The following LSP1 variants were observed in gnomAD, a reference collection of about 807,000 sequenced individuals.
LSP1 encodes lymphocyte specific protein 1.
Under a neutral mutation model 49.3 loss-of-function variants are expected in LSP1, and 32 were observed. That is an observed-to-expected ratio of 0.65 (90% CI 0.49 to 0.87). LSP1 has a LOEUF of 0.87. Ranked by LOEUF, LSP1 falls within the 40% of genes least tolerant of loss-of-function variation. The probability of loss-of-function intolerance (pLI) is 0.00; values close to 1 mark genes in which losing one functional copy is unlikely to be tolerated. For missense variants in LSP1, 428 were observed against 442.6 expected (o/e 0.97, Z 0.30); for synonymous variants, 179 against 178.8 (o/e 1.00, Z -0.01).
At chr11:1,889,272 C>A (rs972647187) in intron 10 of LSP1, 1 of 684,436 alleles carries the variant, frequency 1.5e-6, no homozygotes, top group South Asian at 1.5e-5. Context: ...GAAGCGAGGC[C>A]GGTACAGGAA....
chr11:1,865,117 G>A, intron 1 of LSP1: 3 of 820,728 alleles, frequency 3.7e-6, no homozygotes, highest in Non-Finnish European at 4.4e-6. Context: ...AGAGAGGAGG[G>A]CCAGCAGGAC....
At chr11:1,860,309 G>GGATGGATGGC (rs1424852616) in intron 1 of LSP1, among the ~76,000 whole-genome samples, 2 of 36,730 alleles carry the variant, frequency 5.4e-5, no homozygotes, top group Non-Finnish European at 1.1e-4. Context: ...GGATGGATGG[G>GGATGGATGGC]TGGATGGATG....
chr11:1,871,140 G>A (rs574499438), intron 1 of LSP1: 4 of 985,540 alleles, frequency 4.1e-6, no homozygotes, highest in South Asian at 4.7e-5. Context: ...GCACGGGCTC[G>A]GCAGCGTTGT....
intron 1 of LSP1, among the ~76,000 whole-genome samples, chr11:1,854,320 C>G (rs117704672): frequency 6.6e-6 from 1 of 152,260 alleles, no homozygotes; most frequent in Non-Finnish European, 1.5e-5. Context: ...TCACATACCC[C>G]AAAACTGCAG....
rs556754848 is a variant in LSP1 at position 1,887,486 on chromosome 11, G to A, written c.943G>A (p.Gly315Arg). 1.4e-5 allele frequency: 23 copies of A among 1,613,906 alleles called. No individual in the cohort carries two copies. Among genetic ancestry groups the A allele is most frequent in the Non-Finnish European group, 1.9e-5 (22 of 1,179,926 alleles). Reference sequence around the variant, plus strand: ...CCTTTCCCAACAGAGCACCCCATCTGGGAAGAGGTATAAGTTTGTGGCCAC... The same window carrying A: ...CCTTTCCCAACAGAGCACCCCATCTAGGAAGAGGTATAAGTTTGTGGCCAC... ...TSSTIKSTPSGKRYKFVATGH... is the reference protein window; with the variant it reads ...TSSTIKSTPSRKRYKFVATGH... Residue 315 changes from glycine to arginine, a missense_variant, in exon 10 of 11, where the codon GGG becomes AGG. Transcript: ENST00000311604.
intron 1 of LSP1, chr11:1,866,471 A>G (rs751592854): frequency 3.4e-6 from 5 of 1,474,356 alleles, no homozygotes; most frequent in Non-Finnish European, 4.5e-6. Flanking sequence ...GCAGATGCAG[A>G]GAGATGGCTC....
chr11:1,885,193 C>T (rs1413490342), intron 7 of LSP1, among the ~76,000 whole-genome samples: 2 of 151,984 alleles, frequency 1.3e-5, no homozygotes, highest in African/African-American at 2.4e-5. Flanking sequence ...ATCAATGCTT[C>T]TCCATCTGAC....
intron 1 of LSP1, chr11:1,866,799 C>T: frequency 6.4e-7 from 1 of 1,550,408 alleles, no homozygotes; most frequent in Non-Finnish European, 8.7e-7. Context: ...GAAGTGCAGC[C>T]CCCGGAGGAG....
chr11:1,853,502 G>A (rs560999250), intron 1 of LSP1, among the ~76,000 whole-genome samples: 2 of 152,344 alleles, frequency 1.3e-5, no homozygotes, highest in Admixed American at 6.5e-5. Context: ...ACCCCAAGAC[G>A]TGTCCTGGAC....
At chr11:1,890,680 G>A in intron 10 of LSP1, 1 of 631,338 alleles carries the variant, frequency 1.6e-6, no homozygotes, top group Admixed American at 2.4e-5. Flanking sequence ...GGAGGACCTG[G>A]GGCCAGGGGT....
At chr11:1,853,698 C>G (rs752494714) in intron 1 of LSP1, among the ~76,000 whole-genome samples, 1 of 152,128 alleles carries the variant, frequency 6.6e-6, no homozygotes, top group Non-Finnish European at 1.5e-5. Flanking sequence ...CCCAGCAGGC[C>G]TCAGGGCAGG....
chr11:1,867,735 C>T (rs909002757), intron 1 of LSP1, among the ~76,000 whole-genome samples: 1 of 152,152 alleles, frequency 6.6e-6, no homozygotes, highest in Non-Finnish European at 1.5e-5. Context: ...GCTAGGTGCC[C>T]GCAGCTGCCA....
intron 3 of LSP1, among the ~76,000 whole-genome samples, chr11:1,882,096 G>A (rs761775298): frequency 2.6e-5 from 4 of 152,178 alleles, no homozygotes; most frequent in African/African-American, 9.7e-5. Flanking sequence ...AGAGTCGGCC[G>A]GGAGGACGCA....
At chr11:1,874,260 T>C (rs376596666) in intron 1 of LSP1, among the ~76,000 whole-genome samples, 15 of 48,766 alleles carry the variant, frequency 3.1e-4, no homozygotes, top group African/African-American at 8.9e-4. Flanking sequence ...GGGGGCAGGC[T>C]GGGGACAGTG....
At position 1,883,943 on chromosome 11, in the gene LSP1, T is replaced by G. The variant is rs199783035; in HGVS notation, c.510T>G (p.Cys170Trp). Residue 170 changes from cysteine to tryptophan, a missense_variant, in exon 5 of 11, where the codon TGT becomes TGG. Physicochemically the swap from Cys to Trp is radical, Grantham distance 215 (BLOSUM62 -2). Coordinates refer to ENST00000311604, the MANE Select transcript of LSP1 (RefSeq NM_002339.3). Reference protein sequence around the residue: ...AEEEQEEHQKCQQPRTPSPLV... With the variant: ...AEEEQEEHQKWQQPRTPSPLV... Reference sequence around the variant, plus strand: ...TTTTTTTTTTCTAGCACCAGAAATGTCAGCAGCCCAGGACACCCAGCCCCT... The same window carrying G: ...TTTTTTTTTTCTAGCACCAGAAATGGCAGCAGCCCAGGACACCCAGCCCCT... 74 of 1,605,062 alleles carry G rather than the reference T, an allele frequency of 4.6e-5. No homozygotes were observed. The Admixed American group carries it at 1.3e-3, about 28-fold the overall frequency.
chr11:1,871,134 G>A (rs1309142813), intron 1 of LSP1: 3 of 985,408 alleles, frequency 3.0e-6, no homozygotes, highest in East Asian at 1.1e-4. Flanking sequence ...CTCGTGGCAC[G>A]GGCTCGGCAG....
At position 1,887,462 on chromosome 11, in the gene LSP1, C is replaced by T. The variant is rs556079617; in HGVS notation, c.931-12C>T. On this transcript the variant is annotated splice_polypyrimidine_tract_variant and intron_variant, in intron 9 of 10. Transcript: ENST00000311604. ...TGCTCTCACCTTCACTCTTGGTCTC[C>T]TTTCCCAACAGAGCACCCCATCTGG... The T allele has an allele frequency of 1.2e-6, 2 of 1,612,926 alleles. No individual in the cohort carries two copies. Among genetic ancestry groups the T allele is most frequent in the East Asian group, 4.5e-5 (2 of 44,870 alleles).
chr11:1,866,055 G>T (rs995355215), intron 1 of LSP1, among the ~76,000 whole-genome samples: 7 of 152,010 alleles, frequency 4.6e-5, no homozygotes, highest in Non-Finnish European at 8.8e-5. Flanking sequence ...AGGGCCCAAG[G>T]CTCCTCAAGA....
intron 10 of LSP1, chr11:1,890,422 G>T (rs1439721283): frequency 1.4e-6 from 1 of 717,248 alleles, no homozygotes; most frequent in Non-Finnish European, 2.6e-6. Context: ...GGAGCGAGGT[G>T]TGTGCCTCCC....
Sources: gnomAD v4.1 joint callset for allele counts (sites outside exome capture counted in the v4.1 genomes callset) on GRCh38, gnomAD v4.1.1 for gene constraint, MANE v1.5 for transcripts, NCBI Gene and HGNC (gene_info 2026-07-23, HGNC 2026-07-21) for gene names.